Variants in TYR observed in about 807,000 individuals in gnomAD.
TYR encodes LB24-AB.
TYR carries 58 observed loss-of-function variants against 51.5 expected under a neutral mutation model. The ratio of observed to expected loss-of-function variants is 1.13; its 90% CI spans 0.91 to 1.40. TYR has a LOEUF of 1.40. TYR is among the 40% of genes most tolerant of loss of function. The pLI is 0.00. For missense variants in TYR, 732 were observed against 647.4 expected (o/e 1.13, Z -1.42); for synonymous variants, 263 against 235.2 (o/e 1.12, Z -1.08).
At chr11:89,275,491 T>C (rs1263795407) in intron 3 of TYR, among the ~76,000 whole-genome samples, 2 of 151,940 alleles carry the variant, frequency 1.3e-5, no homozygotes, top group South Asian at 2.1e-4. Context: ...TGAGTTACTA[T>C]TGGCAAATTC....
At chr11:89,230,997 C>G (rs1263875445) in intron 3 of TYR, among the ~76,000 whole-genome samples, 1 of 150,906 alleles carries the variant, frequency 6.6e-6, no homozygotes, top group African/African-American at 2.4e-5. Flanking sequence ...ATGGGGATAC[C>G]CCTTCTCTAC....
intron 3 of TYR, among the ~76,000 whole-genome samples, chr11:89,243,739 ACT>A (rs1944229553): frequency 6.6e-6 from 1 of 152,106 alleles, no homozygotes; most frequent in African/African-American, 2.4e-5. Flanking sequence ...GTTGAAATAT[ACT>A]CTCTGCTGTC....
At chr11:89,240,442 AT>A (rs1419038267) in intron 3 of TYR, among the ~76,000 whole-genome samples, 1 of 151,856 alleles carries the variant, frequency 6.6e-6, no homozygotes, top group Non-Finnish European at 1.5e-5. Flanking sequence ...TTTATATTAC[AT>A]TTTGGTTTTA....
At position 89,243,139 on chromosome 11, in the gene TYR, G is replaced by A. The variant is rs114693591; in HGVS notation, c.1184+15169G>A. ...TGTAGGTTTTGCATTATTCCAGAGC[G>A]GGCATGGCAAAGGAATACAGTGCTT... On this transcript the variant is annotated intron_variant, in intron 3 of 4. Coordinates refer to ENST00000263321, the MANE Select transcript of TYR (RefSeq NM_000372.5). Among the ~76,000 whole-genome samples, 511 of 152,236 alleles carry A rather than the reference G, an allele frequency of 3.4e-3. 1 individual carries two copies. Among genetic ancestry groups the A allele is most frequent in the African/African-American group, 0.012 (496 of 41,530 alleles).
At chr11:89,249,832 A>C (rs1353419904) in intron 3 of TYR, among the ~76,000 whole-genome samples, 1 of 152,052 alleles carries the variant, frequency 6.6e-6, no homozygotes, top group Non-Finnish European at 1.5e-5. Flanking sequence ...AAAAAGGAAA[A>C]AATTGCCACA....
intron 3 of TYR, among the ~76,000 whole-genome samples, chr11:89,236,625 C>T (rs1944118374): frequency 6.6e-6 from 1 of 152,186 alleles, no homozygotes; most frequent in Non-Finnish European, 1.5e-5. Context: ...GCATCTGAGC[C>T]ATCCTCTCAA....
At chr11:89,255,516 C>A (rs1404731512) in intron 3 of TYR, among the ~76,000 whole-genome samples, 2 of 151,532 alleles carry the variant, frequency 1.3e-5, no homozygotes, top group Non-Finnish European at 3.0e-5. Context: ...CAGAATTCAC[C>A]AATAAAGTCA....
chr11:89,273,780 A>C (rs1251359611), intron 3 of TYR, among the ~76,000 whole-genome samples: 1 of 151,864 alleles, frequency 6.6e-6, no homozygotes, highest in Admixed American at 6.6e-5. Flanking sequence ...GGAAAATTAA[A>C]GTCTGAGATC....
intron 3 of TYR, among the ~76,000 whole-genome samples, chr11:89,256,568 G>T (rs2135303611): frequency 6.6e-6 from 1 of 151,722 alleles, no homozygotes; most frequent in South Asian, 2.1e-4. Context: ...AATAATGTCA[G>T]TTGTTTATAT....
At chr11:89,198,991 A>G (rs866789991) in intron 2 of TYR, among the ~76,000 whole-genome samples, 1 of 151,974 alleles carries the variant, frequency 6.6e-6, no homozygotes, top group African/African-American at 2.4e-5. Flanking sequence ...GTTCCCACCT[A>G]TGAGTGAGAA....
intron 2 of TYR, among the ~76,000 whole-genome samples, chr11:89,198,036 G>C (rs1943545881): frequency 6.6e-6 from 1 of 152,022 alleles, no homozygotes; most frequent in African/African-American, 2.4e-5. Flanking sequence ...CTACAGAGTG[G>C]TAAATGAGCT....
intron 3 of TYR, among the ~76,000 whole-genome samples, chr11:89,281,169 T>A (rs2135321734): frequency 6.6e-6 from 1 of 151,784 alleles, no homozygotes; most frequent in East Asian, 2.0e-4. Context: ...AGTATTTCTA[T>A]TTATTTCCTT....
At chr11:89,207,456 A>G (rs1056129523) in intron 2 of TYR, among the ~76,000 whole-genome samples, 1 of 152,160 alleles carries the variant, frequency 6.6e-6, no homozygotes, top group African/African-American at 2.4e-5. Flanking sequence ...ATAAATGTAA[A>G]GGAAATTGAA....
intron 2 of TYR, among the ~76,000 whole-genome samples, chr11:89,222,600 A>G (rs1209333809): frequency 1.3e-5 from 2 of 152,102 alleles, no homozygotes; most frequent in Non-Finnish European, 2.9e-5. Flanking sequence ...TTAGCCAGGC[A>G]TGCTGGCTTG....
chr11:89,223,393 T>C (rs542265840), intron 2 of TYR, among the ~76,000 whole-genome samples: 1 of 152,064 alleles, frequency 6.6e-6, no homozygotes, highest in Non-Finnish European at 1.5e-5. Context: ...ATTATTTCTA[T>C]TTTTTTTCAA....
chr11:89,248,599 GA>G (rs1278392522), intron 3 of TYR, among the ~76,000 whole-genome samples: 82 of 152,316 alleles, frequency 5.4e-4, no homozygotes, highest in African/African-American at 1.9e-3. Flanking sequence ...GGTGCAATAT[GA>G]GATTGAAGAG....
At chr11:89,278,215 A>T (rs984363518) in intron 3 of TYR, among the ~76,000 whole-genome samples, 1 of 151,546 alleles carries the variant, frequency 6.6e-6, no homozygotes, top group Non-Finnish European at 1.5e-5. Context: ...ACCATCAAAG[A>T]CTTTTCCTCA....
At chr11:89,256,210 T>G (rs2135303329) in intron 3 of TYR, among the ~76,000 whole-genome samples, 2 of 151,976 alleles carry the variant, frequency 1.3e-5, no homozygotes, top group East Asian at 1.9e-4. Context: ...ATTGAAAAAC[T>G]TACAAATATT....
At chr11:89,289,958 G>A (rs892450310) in intron 4 of TYR, among the ~76,000 whole-genome samples, 1 of 152,004 alleles carries the variant, frequency 6.6e-6, no homozygotes, top group Non-Finnish European at 1.5e-5. Flanking sequence ...CTATATGGTA[G>A]ACATTGTACC....
Sources: gnomAD v4.1 joint callset for allele counts (sites outside exome capture counted in the v4.1 genomes callset) on GRCh38, gnomAD v4.1.1 for gene constraint, MANE v1.5 for transcripts, NCBI Gene and HGNC (gene_info 2026-07-23, HGNC 2026-07-21) for gene names.